The following ZNF528 variants were observed in gnomAD, a reference collection of about 807,000 sequenced individuals.
The protein encoded by ZNF528 is zinc finger protein 528.
A neutral mutation model predicts 13.3 loss-of-function variants in ZNF528; 9 were observed. That is an observed-to-expected ratio of 0.67 (90% confidence interval 0.41 to 1.18). ZNF528 has a LOEUF of 1.18. Ranked by LOEUF, ZNF528 falls within the 50% of genes most tolerant of loss-of-function variation. The probability of loss-of-function intolerance (pLI) is 0.01; values close to 1 mark genes in which losing one functional copy is unlikely to be tolerated. For missense variants in ZNF528, 858 were observed against 745.4 expected (o/e 1.15, Z -1.76); for synonymous variants, 264 against 254.3 (o/e 1.04, Z -0.36).
Position 52,405,970 on chromosome 19 carries a change from C to G in ZNF528, c.79C>G (p.Pro27Ala). 6.2e-7 allele frequency: 1 copy of G among 1,612,204 alleles called. No homozygotes were observed. The highest frequency in any genetic ancestry group is 8.5e-7 in the Non-Finnish European group (1 of 1,178,726). The change falls in exon 5 of 7, where the codon CCT becomes GCT. Residue 27 changes from proline (P) to alanine (A), a missense_variant. Physicochemically the swap from Pro to Ala is conservative, Grantham distance 27. Coordinates refer to ENST00000360465, the MANE Select transcript of ZNF528 (RefSeq NM_032423.3). Reference sequence around the variant, plus strand: ...TCAGGAAGAGTGGAAATGCCTGGACCCTGCGCAGAGGACTTTATACAGGGA... The same window carrying G: ...TCAGGAAGAGTGGAAATGCCTGGACGCTGCGCAGAGGACTTTATACAGGGA... ...FSQEEWKCLDPAQRTLYRDVM... is the reference protein window; with the variant it reads ...FSQEEWKCLDAAQRTLYRDVM...
At chr19:52,402,148 A>G (rs537660013) in intron 4 of ZNF528, 120 bp downstream of exon 4, 24 of 1,412,520 alleles carry the variant, frequency 1.7e-5, no homozygotes, top group African/African-American at 5.7e-5. Flanking sequence ...GCACTTACCC[A>G]TGGCTTCTTC....
At chr19:52,409,292 G>A (rs536436835) in intron 6 of ZNF528, among the ~76,000 whole-genome samples, 3 of 149,994 alleles carry the variant, frequency 2.0e-5, no homozygotes, top group African/African-American at 7.4e-5. Flanking sequence ...TAATTAGAAT[G>A]ATCAAATCTC....
Position 52,415,942 on chromosome 19 carries a change from G to T in ZNF528, c.1090G>T (p.Val364Leu). 6.2e-7 allele frequency: 1 copy of T among 1,613,820 alleles called. No homozygotes were observed. ...TGAAGAATGTGGCAAAGCATTTTCA[G>T]TGCGTTCCAGCCTCATAACCCATCA... ...KCEECGKAFS[V>L]RSSLITHQLI... The change falls in exon 7 of 7, where the codon GTG becomes TTG. Residue 364 changes from valine to leucine, a missense_variant. Coordinates refer to ENST00000360465, the MANE Select transcript of ZNF528 (RefSeq NM_032423.3).
In ZNF528 at chr19:52,416,072, G is replaced by C. The variant is rs775444191; in HGVS notation, c.1220G>C (p.Arg407Thr). ...TSHQRIHTRE[R>T]PYGCSQCGKI... Reference sequence around the variant, plus strand: ...CATCAGAGAATTCATACTAGAGAGAGACCTTATGGATGCAGTCAGTGTGGC... The same window carrying C: ...CATCAGAGAATTCATACTAGAGAGACACCTTATGGATGCAGTCAGTGTGGC... Residue 407 changes from arginine (R) to threonine (T), a missense_variant, in exon 7 of 7, where the codon AGA becomes ACA. Coordinates refer to ENST00000360465, the MANE Select transcript of ZNF528 (RefSeq NM_032423.3). The C allele has an allele frequency of 3.1e-6, 5 of 1,613,846 alleles. No individual in the cohort carries two copies. The African/African-American group carries it at 6.7e-5, about 22-fold the overall frequency.
intron 2 of ZNF528, among the ~76,000 whole-genome samples, chr19:52,400,358 A>G (rs2058778009): frequency 6.6e-6 from 1 of 152,036 alleles, no homozygotes; most frequent in South Asian, 2.1e-4. Flanking sequence ...TCTGTGCTCC[A>G]TGTAAGAGCA....
rs369014010 is a variant in ZNF528 at position 52,415,886 on chromosome 19, C to T, written c.1034C>T (p.Thr345Met). Residue 345 changes from threonine (T) to methionine (M), a missense_variant, in exon 7 of 7, where the codon ACG becomes ATG. Physicochemically the swap from Thr to Met is moderately conservative, Grantham distance 81. Coordinates refer to ENST00000360465, the MANE Select transcript of ZNF528 (RefSeq NM_032423.3). Reference protein sequence around the residue: ...SRHSYLAEHQTVHTGEKPYKC... With the variant: ...SRHSYLAEHQMVHTGEKPYKC... ...CATTCATATCTAGCAGAACATCAAACGGTTCATACTGGTGAGAAACCTTAC... is the reference window on the plus strand; with the variant it reads ...CATTCATATCTAGCAGAACATCAAATGGTTCATACTGGTGAGAAACCTTAC... 5.8e-5 allele frequency: 94 copies of T among 1,613,694 alleles called. No homozygotes were observed. In the African/African-American group the frequency reaches 8.5e-4, roughly 15 times the overall value.
At chr19:52,409,681 A>G (rs941714615) in intron 6 of ZNF528, among the ~76,000 whole-genome samples, 1 of 146,298 alleles carries the variant, frequency 6.8e-6, no homozygotes, top group Non-Finnish European at 1.5e-5. Flanking sequence ...GGTTTGCTAA[A>G]ACAACTTCTC....
In ZNF528 at chr19:52,415,022, T is replaced by C. The variant is rs188898471; in HGVS notation, c.272-102T>C. The C allele has an allele frequency of 7.4e-5, 117 of 1,575,258 alleles. 1 individual carries two copies. The highest frequency in any genetic ancestry group is 5.0e-4 in the Middle Eastern group (3 of 6,016). On this transcript the variant is annotated intron_variant, in intron 6 of 6. Coordinates refer to ENST00000360465, the MANE Select transcript of ZNF528 (RefSeq NM_032423.3). ...GATACACACAATACCCTGATACTCC[T>C]ACCAATGTCTGAGTCAGGTGAGGCA...
chr19:52,401,662 C>CTT (rs34244828), intron 2 of ZNF528, 23 bp from the exon 3 acceptor site: 23,144 of 900,582 alleles, frequency 0.026, 63 homozygotes, highest in East Asian at 0.074. Flanking sequence ...TGAAGAATTG[C>CTT]TTTTTTTTTT....
intron 4 of ZNF528, among the ~76,000 whole-genome samples, chr19:52,405,538 A>G (rs1237760985): frequency 6.6e-6 from 1 of 152,184 alleles, no homozygotes; most frequent in Non-Finnish European, 1.5e-5. Flanking sequence ...CTCAAAAAAA[A>G]GAAAAAAACA....
At chr19:52,399,017 G>A (rs1010334345) in intron 2 of ZNF528, among the ~76,000 whole-genome samples, 40 of 152,106 alleles carry the variant, frequency 2.6e-4, no homozygotes, top group Non-Finnish European at 1.3e-4. Flanking sequence ...GAAAGATTGG[G>A]CAGAAAGAGG....
Position 52,416,077 on chromosome 19 carries a change from T to TA in ZNF528, c.1226dup (p.Tyr409Ter). 1 of 1,614,034 alleles carries TA rather than the reference T, an allele frequency of 6.2e-7. No individual in the cohort carries two copies. The highest frequency in any genetic ancestry group is 8.5e-7 in the Non-Finnish European group (1 of 1,180,022). The change falls in exon 7 of 7, where the codon TAT becomes TAAT. Residue 409 changes from tyrosine (Y) to a stop codon, truncating the protein, a stop_gained and frameshift_variant. Transcript: ENST00000360465. LOFTEE classifies it low-confidence loss of function (END_TRUNC). ...GAGAATTCATACTAGAGAGAGACCT[T>TA]ATGGATGCAGTCAGTGTGGCAAGAT... Reference protein sequence around the residue: ...HQRIHTRERPYGCSQCGKIFS... With the variant: ...HQRIHTRERP
Position 52,416,614 on chromosome 19 carries a change from CAGA to C in ZNF528, c.1765_1767del (p.Lys589del). 4.3e-6 allele frequency: 7 copies of C among 1,614,186 alleles called. No individual in the cohort carries two copies. The highest frequency in any genetic ancestry group is 5.9e-6 in the Non-Finnish European group (7 of 1,180,030). On this transcript the variant is annotated inframe_deletion, in exon 7 of 7. Coordinates refer to ENST00000360465, the MANE Select transcript of ZNF528 (RefSeq NM_032423.3). ...TAAAGAATGTGGCAAGATCTTCACT[CAGA>C]AGTCTTCCCTCACCAATCACCATAG...
intron 6 of ZNF528, among the ~76,000 whole-genome samples, chr19:52,409,252 G>C (rs2058898601): frequency 6.6e-6 from 1 of 150,746 alleles, no homozygotes; most frequent in Non-Finnish European, 1.5e-5. Context: ...TTTATAGTAT[G>C]TCTCTGTGTG....
intron 6 of ZNF528, chr19:52,407,001 A>G (rs547659698): frequency 1.9e-4 from 48 of 256,150 alleles, no homozygotes; most frequent in Non-Finnish European, 2.8e-4. Flanking sequence ...CCAGAATGCA[A>G]TGGCATGATT....
At position 52,405,878 on chromosome 19, in the gene ZNF528, T is replaced by C. The variant is rs377651156; in HGVS notation, c.16-29T>C. On this transcript the variant is annotated intron_variant, in intron 4 of 6. Coordinates refer to ENST00000360465, the MANE Select transcript of ZNF528 (RefSeq NM_032423.3). ...TGACGATGAGTACTGTGTGCATACC[T>C]TGTTGCTGAAATGTGGATTTTCTTT... The C allele has an allele frequency of 7.9e-5, 126 of 1,604,414 alleles. No homozygotes were observed. The East Asian group carries it at 1.3e-3, about 17-fold the overall frequency.
chr19:52,410,272 C>T (rs959542680), intron 6 of ZNF528, among the ~76,000 whole-genome samples: 9 of 152,172 alleles, frequency 5.9e-5, no homozygotes, highest in African/African-American at 1.9e-4. Context: ...GGTCAGGGGG[C>T]TCCTTGCTTC....
chr19:52,415,454 T>C lies in ZNF528; in HGVS notation c.602T>C (p.Leu201Pro), dbSNP rs758846335. Residue 201 changes from leucine (L) to proline (P), a missense_variant, in exon 7 of 7, where the codon CTT becomes CCT. Coordinates refer to ENST00000360465, the MANE Select transcript of ZNF528 (RefSeq NM_032423.3). ...HGQVFRASAS[L>P]TNQVIHNADN... ...CAAGTCTTTAGAGCATCTGCAAGCC[T>C]TACTAACCAAGTAATCCATAACGCA... is the stretch of plus-strand genomic sequence containing the variant. 6.2e-7 allele frequency: 1 copy of C among 1,614,216 alleles called. No homozygotes were observed. The highest frequency in any genetic ancestry group is 1.1e-5 in the South Asian group (1 of 91,086).
Position 52,406,603 on chromosome 19 carries a change from C to A in ZNF528, c.231C>A (p.Asn77Lys), listed in dbSNP as rs200968350. Residue 77 changes from asparagine to lysine, a missense_variant, in exon 6 of 7, where the codon AAC becomes AAA. Transcript: ENST00000360465. The stretch of plus-strand genomic sequence containing the variant: ...TGCAGAGTGAAGAGAAAATAGCAAA[C>A]GATCCAGACGGCAGGGAGTGCATCA... ...WTLQSEEKIA[N>K]DPDGRECIKG... 62 of 1,613,912 alleles carry A rather than the reference C, an allele frequency of 3.8e-5. No homozygotes were observed. The Middle Eastern group carries it at 4.9e-4, about 13-fold the overall frequency.
Sources: gnomAD v4.1 joint callset for allele counts (sites outside exome capture counted in the v4.1 genomes callset) on GRCh38, gnomAD v4.1.1 for gene constraint, MANE v1.5 for transcripts, NCBI Gene and HGNC (gene_info 2026-07-23, HGNC 2026-07-21) for gene names.